The following STK31 variants were observed in gnomAD, a reference collection of about 807,000 sequenced individuals.
STK31 encodes the protein serine/threonine kinase 31, also known as serine/threonine-protein kinase 31.
A neutral mutation model predicts 129.7 loss-of-function variants in STK31; 89 were observed. That is an observed-to-expected ratio of 0.69 (90% CI 0.58 to 0.82). The LOEUF (loss-of-function observed/expected upper bound fraction) is 0.82, where lower values mean the gene tolerates loss of function less well. Among genes scored for constraint, STK31 ranks in the 40% least tolerant of loss-of-function variants. The pLI, the probability that STK31 is intolerant of heterozygous loss-of-function variation, is 0.00. For missense variants in STK31, 1,187 were observed against 1,176.4 expected (o/e 1.01, Z -0.13); for synonymous variants, 448 against 395.3 (o/e 1.13, Z -1.58).
chr7:23,788,035 C>T lies in STK31; in HGVS notation c.2543C>T (p.Ala848Val). The T allele has an allele frequency of 6.2e-7, 1 of 1,611,758 alleles. No homozygotes were observed. Among genetic ancestry groups the T allele is most frequent in the Non-Finnish European group, 8.5e-7 (1 of 1,178,836 alleles). ...CAGGGTCTGCATACATTGCATAAGG[C>T]TGACATAATTCATGGATCACTTCAT... ...VAQGLHTLHK[A>V]DIIHGSLHQN... The change falls in exon 21 of 24, where the codon GCT (alanine) becomes GTT (valine). Residue 848 changes from alanine (A) to valine (V), a missense_variant. By Grantham distance (64) the Ala-to-Val change is moderately conservative. Coordinates refer to ENST00000355870, the MANE Select transcript of STK31 (RefSeq NM_031414.5).
At chr7:23,791,397 T>C (rs1791607380) in intron 22 of STK31, 12 of 662,116 alleles carry the variant, frequency 1.8e-5, no homozygotes, top group South Asian at 6.8e-5. Flanking sequence ...CTGCATGTTC[T>C]CACTTATAAG....
chr7:23,758,005 C>G (rs550746442), intron 10 of STK31, among the ~76,000 whole-genome samples: 3 of 152,270 alleles, frequency 2.0e-5, no homozygotes, highest in Admixed American at 6.5e-5. Flanking sequence ...TCCATGAAAC[C>G]TTGAGTCGAC....
At chr7:23,831,244 C>T (rs923944009) in intron 23 of STK31, among the ~76,000 whole-genome samples, 1 of 152,012 alleles carries the variant, frequency 6.6e-6, no homozygotes, top group Non-Finnish European at 1.5e-5. Flanking sequence ...CTGTTTCTCC[C>T]TTTAGATCTA....
intron 11 of STK31, among the ~76,000 whole-genome samples, chr7:23,766,769 C>T (rs1486929142): frequency 1.3e-5 from 2 of 152,096 alleles, no homozygotes; most frequent in South Asian, 2.1e-4. Flanking sequence ...CTTCTCTCCC[C>T]CATTAATTTT....
At chr7:23,823,625 A>T (rs7458889) in intron 23 of STK31, among the ~76,000 whole-genome samples, 2,196 of 151,798 alleles carry the variant, frequency 0.014, 42 homozygotes, top group African/African-American at 0.049. Flanking sequence ...GTCAATTTTG[A>T]CTTTTGTTGC....
chr7:23,790,949 A>G lies in STK31; in HGVS notation c.2760+3A>G, dbSNP rs1791578108. The G allele has an allele frequency of 1.9e-5, 30 of 1,545,544 alleles. No individual in the cohort carries two copies. Among genetic ancestry groups the G allele is most frequent in the Non-Finnish European group, 2.6e-5 (30 of 1,153,662 alleles). On this transcript the variant is annotated splice_donor_region_variant and intron_variant, in intron 22 of 23. Transcript: ENST00000355870. ...CTTATGGCTGCCTCTTATTATGGGTATGTTATTTTTTTGTTGAAATAGATC... is the reference window on the plus strand; with the variant it reads ...CTTATGGCTGCCTCTTATTATGGGTGTGTTATTTTTTTGTTGAAATAGATC...
At chr7:23,787,858 A>G (rs1468596295) in intron 20 of STK31, 122 bp from the exon 21 acceptor site, 1 of 914,170 alleles carries the variant, frequency 1.1e-6, no homozygotes, top group Non-Finnish European at 1.6e-6. Context: ...CTGTATTCTT[A>G]TTAATGGTTC....
Position 23,735,665 on chromosome 7 carries a change from T to G in STK31, c.611T>G (p.Leu204Arg). The G allele has an allele frequency of 6.2e-7, 1 of 1,614,064 alleles. No homozygotes were observed. The highest frequency in any genetic ancestry group is 8.5e-7 in the Non-Finnish European group (1 of 1,180,032). ...YGSVDIGEEV[L>R]KKGFAEKCRL... ...AGTGTGGATATAGGGGAAGAGGTGCTTAAGAAAGGATTTGCAGAGAAATGC... is the reference window on the plus strand; with the variant it reads ...AGTGTGGATATAGGGGAAGAGGTGCGTAAGAAAGGATTTGCAGAGAAATGC... The change falls in exon 7 of 24, where the codon CTT becomes CGT. Residue 204 changes from leucine (L) to arginine (R), a missense_variant. By Grantham distance (102) the Leu-to-Arg change is moderately radical. Coordinates refer to ENST00000355870, the MANE Select transcript of STK31 (RefSeq NM_031414.5).
At chr7:23,745,671 C>T (rs1383481804) in intron 8 of STK31, among the ~76,000 whole-genome samples, 1 of 152,012 alleles carries the variant, frequency 6.6e-6, no homozygotes, top group African/African-American at 2.4e-5. Flanking sequence ...GTTGGGTAGC[C>T]CTCCCTTGGG....
intron 6 of STK31, among the ~76,000 whole-genome samples, chr7:23,729,802 G>A (rs141549986): frequency 4.2e-3 from 643 of 152,128 alleles, no homozygotes; most frequent in Non-Finnish European, 6.9e-3. Flanking sequence ...GAGCCACTGC[G>A]CCCAGCCAAG....
intron 4 of STK31, chr7:23,722,198 A>G (rs1786751463): frequency 6.5e-6 from 1 of 152,720 alleles, no homozygotes; most frequent in African/African-American, 2.4e-5. Flanking sequence ...GTCTCTCCCC[A>G]TCTTTGTGGT....
chr7:23,727,439 A>T, intron 5 of STK31, 124 bp downstream of exon 5: 1 of 730,452 alleles, frequency 1.4e-6, no homozygotes. Flanking sequence ...AGTGATTAAA[A>T]CACAGAAGAA....
At chr7:23,798,279 G>T (rs1316559949) in intron 22 of STK31, among the ~76,000 whole-genome samples, 1 of 151,908 alleles carries the variant, frequency 6.6e-6, no homozygotes, top group East Asian at 1.9e-4. Flanking sequence ...GTACCAAAAC[G>T]TGCCAGAGAC....
chr7:23,822,641 T>C (rs1793852427), intron 23 of STK31, among the ~76,000 whole-genome samples: 1 of 152,182 alleles, frequency 6.6e-6, no homozygotes, highest in Admixed American at 6.5e-5. Flanking sequence ...TTAGGATACA[T>C]GTGCACAACG....
chr7:23,732,707 T>C (rs1401794522), intron 6 of STK31, among the ~76,000 whole-genome samples: 2 of 152,212 alleles, frequency 1.3e-5, no homozygotes, highest in Non-Finnish European at 2.9e-5. Flanking sequence ...TTTAGGTAAT[T>C]GAAACTTTTG....
intron 4 of STK31, among the ~76,000 whole-genome samples, chr7:23,720,822 G>A (rs9690014): frequency 0.13 from 19,698 of 152,024 alleles, 1,545 homozygotes; most frequent in Middle Eastern, 0.18. Flanking sequence ...ATATTACCCC[G>A]GAATATATGT....
chr7:23,730,358 GTAGT>G (rs1787329914), intron 6 of STK31, among the ~76,000 whole-genome samples: 2 of 152,100 alleles, frequency 1.3e-5, no homozygotes, highest in African/African-American at 4.8e-5. Flanking sequence ...TGTCTGCTAT[GTAGT>G]TACTTATAAA....
intron 21 of STK31, among the ~76,000 whole-genome samples, chr7:23,788,586 C>T (rs576239649): frequency 6.8e-4 from 104 of 152,150 alleles, no homozygotes; most frequent in Non-Finnish European, 1.2e-3. Context: ...CCTCTAATGG[C>T]TGTTAATTCA....
intron 10 of STK31, among the ~76,000 whole-genome samples, chr7:23,758,686 T>A (rs1789264883): frequency 6.6e-6 from 1 of 152,150 alleles, no homozygotes; most frequent in Admixed American, 6.5e-5. Flanking sequence ...TTCTCATTGG[T>A]TTCAAAGCAC....
Sources: allele counts gnomAD v4.1 joint callset (sites outside exome capture counted in the v4.1 genomes callset), GRCh38; gene constraint gnomAD v4.1.1; transcripts MANE v1.5; gene names NCBI Gene and HGNC (gene_info 2026-07-23, HGNC 2026-07-21).